The following PTPRD variants were observed in gnomAD, a reference collection of about 807,000 sequenced individuals.
The protein encoded by PTPRD is receptor-type tyrosine-protein phosphatase delta.
A neutral mutation model predicts 214.5 loss-of-function variants in PTPRD; 34 were observed. That is an observed-to-expected ratio of 0.16 (90% CI 0.12 to 0.21). The LOEUF is 0.21. PTPRD is among the 10% of genes least tolerant of loss of function. The pLI is 1.00. For synonymous variants in PTPRD, 1,128 were observed against 845.7 expected, an observed-to-expected ratio of 1.33 and a Z score of -5.79; for missense variants, 2,545 against 2,398.7, an observed-to-expected ratio of 1.06 and a Z score of -1.27.
intron 3 of PTPRD, among the ~76,000 whole-genome samples, chr9:10,168,473 C>G (rs1330087688): frequency 1.3e-5 from 2 of 152,142 alleles, no homozygotes; most frequent in Non-Finnish European, 2.9e-5. Context: ...GAAACCTTGC[C>G]TCGGCATGGG....
intron 3 of PTPRD, among the ~76,000 whole-genome samples, chr9:10,326,477 G>C (rs1172713878): frequency 6.6e-6 from 1 of 151,602 alleles, no homozygotes; most frequent in East Asian, 1.9e-4. Flanking sequence ...ATGCTAATGA[G>C]CCAAAGCCAA....
At position 10,328,705 on chromosome 9, in the gene PTPRD, T is replaced by C. The variant is rs556239561; in HGVS notation, c.-545+12258A>G. Among the ~76,000 whole-genome samples the C allele has an allele frequency of 7.1e-4, 108 of 151,908 alleles. 1 individual carries two copies. The highest frequency in any genetic ancestry group is 1.3e-3 in the Non-Finnish European group (89 of 67,824). On this transcript the variant is annotated intron_variant, in intron 3 of 45. Coordinates refer to ENST00000381196, the MANE Select transcript of PTPRD (RefSeq NM_002839.4). Reference sequence around the variant, plus strand: ...AGGCCTTCAGATGGGAATGAATTCATCTCTATGCAGCAAAAGAATAATTTC... The same window carrying C: ...AGGCCTTCAGATGGGAATGAATTCACCTCTATGCAGCAAAAGAATAATTTC...
At chr9:9,418,633 G>C (rs1159709163) in intron 8 of PTPRD, among the ~76,000 whole-genome samples, 1 of 151,982 alleles carries the variant, frequency 6.6e-6, no homozygotes, top group Non-Finnish European at 1.5e-5. Flanking sequence ...GTTTAAATGA[G>C]ATAGCATACA....
intron 5 of PTPRD, among the ~76,000 whole-genome samples, chr9:9,893,440 C>T (rs540341227): frequency 6.6e-6 from 1 of 152,066 alleles, no homozygotes; most frequent in South Asian, 2.1e-4. Context: ...GAACATTTAC[C>T]AAGCAAATAG....
intron 9 of PTPRD, among the ~76,000 whole-genome samples, chr9:9,225,590 C>T (rs995284713): frequency 2.6e-5 from 4 of 152,000 alleles, no homozygotes; most frequent in African/African-American, 4.8e-5. Context: ...GTGGGTGCTT[C>T]CTACAAAGCC....
intron 3 of PTPRD, among the ~76,000 whole-genome samples, chr9:10,047,128 G>T (rs1011886253): frequency 6.6e-6 from 1 of 151,916 alleles, no homozygotes; most frequent in Middle Eastern, 3.4e-3. Flanking sequence ...TATAGCATAC[G>T]TAAGTTAAAA....
intron 3 of PTPRD, among the ~76,000 whole-genome samples, chr9:10,094,569 G>C (rs149059662): frequency 8.0e-5 from 11 of 137,248 alleles, no homozygotes; most frequent in Non-Finnish European, 1.5e-4. Flanking sequence ...AAATGGGGCA[G>C]AGTAACTGTT....
At chr9:10,225,333 T>C (rs1344626525) in intron 3 of PTPRD, among the ~76,000 whole-genome samples, 1 of 152,100 alleles carries the variant, frequency 6.6e-6, no homozygotes, top group East Asian at 1.9e-4. Flanking sequence ...TGAAGTGCTA[T>C]ACACCGTAAT....
At chr9:9,240,726 T>C (rs1451068476) in intron 9 of PTPRD, among the ~76,000 whole-genome samples, 1 of 152,194 alleles carries the variant, frequency 6.6e-6, no homozygotes, top group Admixed American at 6.5e-5. Context: ...AATACGAATG[T>C]TTCAAAATTG....
chr9:10,570,340 C>G (rs1381223231), intron 2 of PTPRD, among the ~76,000 whole-genome samples: 1 of 152,016 alleles, frequency 6.6e-6, no homozygotes, highest in Non-Finnish European at 1.5e-5. Flanking sequence ...GAAAGTGGCC[C>G]AAAGGTCACA....
chr9:8,403,873 C>T (rs1378053713), intron 36 of PTPRD, among the ~76,000 whole-genome samples: 1 of 152,176 alleles, frequency 6.6e-6, no homozygotes, highest in Non-Finnish European at 1.5e-5. Flanking sequence ...TTTAAAATAA[C>T]CATTTAGTTT....
chr9:9,985,051 G>T (rs1252697662), intron 4 of PTPRD, among the ~76,000 whole-genome samples: 3 of 152,252 alleles, frequency 2.0e-5, no homozygotes, highest in East Asian at 3.9e-4. Flanking sequence ...GTTTCACATG[G>T]CAACCAAGAC....
chr9:9,981,630 G>C lies in PTPRD; in HGVS notation c.-471-43020C>G, dbSNP rs1022922843. 5.9e-5 allele frequency among the ~76,000 whole-genome samples: 9 copies of C among 152,142 alleles called. No individual in the cohort carries two copies. The East Asian group carries it at 1.6e-3, about 26-fold the overall frequency. On this transcript the variant is annotated intron_variant, in intron 4 of 45. Transcript: ENST00000381196. Reference sequence around the variant, plus strand: ...CTGCCTCGGCCTCCCAAAGTGCTGGGATTACAGGCGTGAGCCACTGCGTCT... The same window carrying C: ...CTGCCTCGGCCTCCCAAAGTGCTGGCATTACAGGCGTGAGCCACTGCGTCT...
At chr9:8,944,696 G>T (rs752422444) in intron 11 of PTPRD, among the ~76,000 whole-genome samples, 2 of 152,014 alleles carry the variant, frequency 1.3e-5, no homozygotes, top group Admixed American at 6.6e-5. Flanking sequence ...AGAGGTAAAA[G>T]TTAAAACAAT....
At chr9:9,540,288 G>C (rs905599164) in intron 8 of PTPRD, among the ~76,000 whole-genome samples, 6 of 151,730 alleles carry the variant, frequency 4.0e-5, no homozygotes, top group Admixed American at 4.0e-4. Context: ...TGAGTATAGG[G>C]TACTATTCTT....
intron 2 of PTPRD, among the ~76,000 whole-genome samples, chr9:10,465,573 G>A (rs1446335150): frequency 2.0e-5 from 3 of 152,050 alleles, no homozygotes; most frequent in Non-Finnish European, 4.4e-5. Context: ...CTATCACCTG[G>A]TGTTATTGTA....
chr9:8,329,603 A>C (rs1031011416), intron 44 of PTPRD, among the ~76,000 whole-genome samples: 2 of 152,132 alleles, frequency 1.3e-5, no homozygotes, highest in African/African-American at 4.8e-5. Context: ...CGTCTGCTGA[A>C]GCTGTGCCCA....
At chr9:10,408,258 A>T (rs1298947791) in intron 2 of PTPRD, among the ~76,000 whole-genome samples, 1 of 151,158 alleles carries the variant, frequency 6.6e-6, no homozygotes, top group African/African-American at 2.4e-5. Context: ...CTCTCTCTCT[A>T]GAATGTGGTT....
At chr9:9,317,761 C>G (rs1271058298) in intron 9 of PTPRD, among the ~76,000 whole-genome samples, 1 of 151,962 alleles carries the variant, frequency 6.6e-6, no homozygotes, top group Non-Finnish European at 1.5e-5. Context: ...CATGGATCAC[C>G]ACAGATATAA....
Sources: allele counts gnomAD v4.1 joint callset (sites outside exome capture counted in the v4.1 genomes callset), GRCh38; gene constraint gnomAD v4.1.1; transcripts MANE v1.5; gene names NCBI Gene and HGNC (gene_info 2026-07-23, HGNC 2026-07-21).